The following GRIP1 variants were observed in gnomAD, a reference collection of about 807,000 sequenced individuals.
The protein encoded by GRIP1 is glutamate receptor interacting protein 1, also known as glutamate receptor-interacting protein 1.
In GRIP1, 45 loss-of-function variants were observed where a neutral mutation model predicts 129.9. The observed-to-expected ratio is 0.35, with a 90% CI of 0.27 to 0.44. GRIP1 has a LOEUF of 0.44. Among genes scored for constraint, GRIP1 ranks in the 20% least tolerant of loss-of-function variants. The pLI is 1.00. For synonymous variants in GRIP1, 530 were observed against 520.8 expected (o/e 1.02, Z -0.24); for missense variants, 1,196 against 1,396.8 (o/e 0.86, Z 2.29).
intron 2 of GRIP1, among the ~76,000 whole-genome samples, chr12:66,578,810 G>A (rs1016240516): frequency 1.2e-4 from 18 of 152,336 alleles, no homozygotes; most frequent in Middle Eastern, 3.4e-3. Flanking sequence ...TGCCTCCGTA[G>A]GCTCCACCTC....
At position 66,892,982 on chromosome 12, in the gene GRIP1, A is replaced by G. The variant is rs1025090077; in HGVS notation, c.58+176068T>C. Among the ~76,000 whole-genome samples, 32 of 152,130 alleles carry G rather than the reference A, an allele frequency of 2.1e-4. 2 individuals carry two copies. The highest frequency in any genetic ancestry group is 2.4e-5 in the African/African-American group (1 of 41,414). ...CGCTGCCTCATAAACAAAACAAAAC[A>G]AAGACAAAAACAAAAAACAAAATGG... On this transcript the variant is annotated intron_variant, in intron 1 of 1. Transcript: ENST00000643019.
At chr12:66,588,365 A>T (rs554887547) in intron 2 of GRIP1, among the ~76,000 whole-genome samples, 15 of 151,514 alleles carry the variant, frequency 9.9e-5, no homozygotes, top group African/African-American at 2.7e-4. Flanking sequence ...TTACTCATTA[A>T]CCCCCCTCTA....
intron 1 of GRIP1, among the ~76,000 whole-genome samples, chr12:66,758,499 T>A (rs1461225587): frequency 6.6e-6 from 1 of 152,096 alleles, no homozygotes; most frequent in African/African-American, 2.4e-5. Context: ...CCAAATCTCA[T>A]GTCCTCACAT....
At chr12:66,856,505 T>A (rs2040007437) in intron 1 of GRIP1, among the ~76,000 whole-genome samples, 1 of 151,824 alleles carries the variant, frequency 6.6e-6, no homozygotes, top group African/African-American at 2.4e-5. Flanking sequence ...GAATCTACAA[T>A]GAACTCAAAC....
chr12:66,949,520 T>A (rs1341492337), intron 1 of GRIP1, among the ~76,000 whole-genome samples: 1 of 152,132 alleles, frequency 6.6e-6, no homozygotes, highest in Non-Finnish European at 1.5e-5. Flanking sequence ...AAAGGATGAA[T>A]TAAAGATGAA....
chr12:66,571,484 T>A (rs936065944), intron 2 of GRIP1, among the ~76,000 whole-genome samples: 1 of 152,142 alleles, frequency 6.6e-6, no homozygotes, highest in African/African-American at 2.4e-5. Context: ...CTGCCTTTGT[T>A]TTTTTTTCAT....
rs562915322 is a variant in GRIP1, at chr12:66,775,264, G to A, written c.-420+28789C>T. Among the ~76,000 whole-genome samples, 7 of 152,296 alleles carry A rather than the reference G, an allele frequency of 4.6e-5. No homozygotes were observed. The South Asian group carries it at 1.2e-3, about 27-fold the overall frequency. ...TGAAAAACAAGCTGAAACAAAGGGG[G>A]TTGGGACAATTAAGAATTTCTATGT... On this transcript the variant is annotated intron_variant, in intron 1 of 4. Transcript: ENST00000538373.
At chr12:66,821,157 C>T (rs2039310314) in intron 1 of GRIP1, among the ~76,000 whole-genome samples, 1 of 151,822 alleles carries the variant, frequency 6.6e-6, no homozygotes, top group Non-Finnish European at 1.5e-5. Context: ...TGTTATGAAC[C>T]AAAGCTACTC....
At chr12:66,766,209 A>T (rs2037632061) in intron 1 of GRIP1, among the ~76,000 whole-genome samples, 1 of 152,218 alleles carries the variant, frequency 6.6e-6, no homozygotes, top group Non-Finnish European at 1.5e-5. Context: ...AAAGGGCTGA[A>T]GCTCCAGGTC....
intron 1 of GRIP1, among the ~76,000 whole-genome samples, chr12:66,843,164 T>G (rs867369706): frequency 2.6e-5 from 4 of 152,012 alleles, no homozygotes; most frequent in African/African-American, 7.2e-5. Flanking sequence ...ATTTCTCAAT[T>G]AATAAAAAAT....
chr12:66,531,351 A>ACG lies in GRIP1; in HGVS notation c.419-1438_419-1437insCG, dbSNP rs398098259. ...CATATATACATATATATACACACAC[A>ACG]GGCAGAATCCAAAGGCATTGTTTAA... On this transcript the variant is annotated intron_variant, in intron 4 of 24. Transcript: ENST00000359742. 2.7e-5 allele frequency among the ~76,000 whole-genome samples: 4 copies of ACG among 147,558 alleles called. No individual in the cohort carries two copies. The South Asian group carries it at 8.6e-4, about 32-fold the overall frequency.
At chr12:67,046,268 G>C (rs1238066948) in intron 1 of GRIP1, among the ~76,000 whole-genome samples, 1 of 152,152 alleles carries the variant, frequency 6.6e-6, no homozygotes, top group Non-Finnish European at 1.5e-5. Context: ...GCTAGAGGCA[G>C]GAGGAGCCCT....
chr12:66,804,647 G>A (rs1435717402), upstream of GRIP1, among the ~76,000 whole-genome samples: 4 of 152,078 alleles, frequency 2.6e-5, no homozygotes, highest in African/African-American at 9.7e-5. Context: ...GGGAGGGCCG[G>A]GGAAACACAT....
chr12:66,850,424 C>A (rs1301750967), intron 1 of GRIP1, among the ~76,000 whole-genome samples: 1 of 152,070 alleles, frequency 6.6e-6, no homozygotes, highest in Non-Finnish European at 1.5e-5. Flanking sequence ...ACTTAGTAAA[C>A]CATCAACTTA....
intron 13 of GRIP1, among the ~76,000 whole-genome samples, chr12:66,438,583 C>T (rs528764164): frequency 1.3e-5 from 2 of 151,714 alleles, no homozygotes; most frequent in East Asian, 3.9e-4. Flanking sequence ...GCAACCTCCA[C>T]CTCCCGGGTT....
chr12:66,540,974 A>T (rs928178526), intron 3 of GRIP1, among the ~76,000 whole-genome samples: 22 of 145,710 alleles, frequency 1.5e-4, no homozygotes, highest in Non-Finnish European at 2.9e-4. Context: ...TTTTTTTTTT[A>T]ATTTTTTTTT....
At chr12:66,921,083 T>TA (rs1327129984) in intron 1 of GRIP1, among the ~76,000 whole-genome samples, 2 of 152,158 alleles carry the variant, frequency 1.3e-5, no homozygotes, top group African/African-American at 4.8e-5. Context: ...AGGCAGGTGA[T>TA]ACGTGAACCA....
chr12:66,555,236 C>T (rs1447449403), intron 2 of GRIP1, among the ~76,000 whole-genome samples: 2 of 152,130 alleles, frequency 1.3e-5, no homozygotes, highest in Non-Finnish European at 2.9e-5. Context: ...GAAAGTATGG[C>T]AAGACAGTAA....
At chr12:66,778,599 T>G (rs1451291080) in intron 1 of GRIP1, among the ~76,000 whole-genome samples, 3 of 152,104 alleles carry the variant, frequency 2.0e-5, no homozygotes, top group African/African-American at 7.2e-5. Flanking sequence ...TTTCTGCATG[T>G]TTGTGTAGCC....
Sources: allele counts gnomAD v4.1 joint callset (sites outside exome capture counted in the v4.1 genomes callset), GRCh38; gene constraint gnomAD v4.1.1; transcripts MANE v1.5; gene names NCBI Gene and HGNC (gene_info 2026-07-23, HGNC 2026-07-21).